The following TMEM259 variants were observed in gnomAD, a reference collection of about 807,000 sequenced individuals.
TMEM259 encodes transmembrane protein 259.
Under a neutral mutation model 46.7 loss-of-function variants are expected in TMEM259, and 26 were observed. The ratio of observed to expected loss-of-function variants is 0.56; its 90% CI spans 0.41 to 0.77. TMEM259 has a LOEUF of 0.77. TMEM259 is among the 30% of genes least tolerant of loss of function. The pLI is 0.00. For missense variants in TMEM259, 930 were observed against 900.5 expected (o/e 1.03, Z -0.42); for synonymous variants, 494 against 395.1 (o/e 1.25, Z -2.97).
intron 1 of TMEM259, among the ~76,000 whole-genome samples, chr19:1,015,216 C>T (rs557478065): frequency 1.3e-5 from 2 of 152,358 alleles, no homozygotes; most frequent in South Asian, 2.1e-4. Context: ...GCGAGGCTGC[C>T]GTGCCCGAGG....
chr19:1,009,678 T>C lies in TMEM259; in HGVS notation c.*672A>G, dbSNP rs1157151786. 10 of 1,179,402 alleles carry C rather than the reference T, an allele frequency of 8.5e-6. No homozygotes were observed. Among genetic ancestry groups the C allele is most frequent in the Admixed American group, 4.1e-5 (1 of 24,312 alleles). 73.1% of individuals were successfully genotyped at this position (1,179,402 alleles called of 1,614,324 possible). ...CGCTGTCAACAGACAGTTTATTCTA[T>C]ATACAAACACAATTTTGTACACTGC... is the stretch of plus-strand genomic sequence containing the variant. On this transcript the variant is annotated 3_prime_UTR_variant, in exon 11 of 11. Transcript: ENST00000356663.
At position 1,010,532 on chromosome 19, in the gene TMEM259, G is replaced by A. The variant is rs754750585; in HGVS notation, c.1681C>T (p.Leu561Phe). The A allele has an allele frequency of 1.3e-6, 2 of 1,548,132 alleles. No homozygotes were observed. Among genetic ancestry groups the A allele is most frequent in the African/African-American group, 1.4e-5 (1 of 73,094 alleles). ...GGGCTGGCTGGACGCCGCTCCAGGAGGGAGGCGCTCAGGCCGGACAGGAAG... is the reference window on the plus strand; with the variant it reads ...GGGCTGGCTGGACGCCGCTCCAGGAAGGAGGCGCTCAGGCCGGACAGGAAG... The part of the protein sequence containing the change: ...ASFLSGLSAS[L>F]LERRPASPLG... The change falls in exon 11 of 11, where the codon CTC becomes TTC. Residue 561 changes from leucine (L) to phenylalanine (F), a missense_variant. Leu to Phe is a conservative substitution (Grantham distance 22). Transcript: ENST00000356663.
Position 1,020,060 on chromosome 19 carries a change from C to A in TMEM259, c.225+712G>T, listed in dbSNP as rs963593521. Among the ~76,000 whole-genome samples, 1 of 152,090 alleles carries A rather than the reference C, an allele frequency of 6.6e-6. No individual in the cohort carries two copies. The highest frequency in any genetic ancestry group is 6.6e-5 in the Admixed American group (1 of 15,266). On this transcript the variant is annotated intron_variant, in intron 1 of 10. Coordinates refer to ENST00000356663, the MANE Select transcript of TMEM259 (RefSeq NM_001033026.2). This position sits in a 1 kb window ranked among gnomAD's most constrained non-coding sequence, Gnocchi z 4.0. ...AGGGGAGGCACGGGCGACAGACCCA[C>A]AACCTGAGCTCCTGAAGCAGGAAGG...
intron 3 of TMEM259, 66 bp downstream of exon 3, chr19:1,013,175 C>G: frequency 7.0e-7 from 1 of 1,424,350 alleles, no homozygotes; most frequent in Non-Finnish European, 9.9e-7. Context: ...GGGACCCCGC[C>G]TGCACCCCAG....
At chr19:1,014,124 C>T (rs1391774763) in intron 2 of TMEM259, 68 bp downstream of exon 2, 29 of 1,539,820 alleles carry the variant, frequency 1.9e-5, no homozygotes, top group South Asian at 6.1e-5. Context: ...TGTCAGGAAC[C>T]GCCCCTTCAG....
At chr19:1,011,245 C>CCCAG (rs1426675793) in intron 9 of TMEM259, 50 bp from the exon 10 acceptor site, 18 of 1,548,650 alleles carry the variant, frequency 1.2e-5, no homozygotes, top group Non-Finnish European at 1.6e-5. Flanking sequence ...CCCTGCCAGG[C>CCCAG]CCAGCCCCTG....
Position 1,020,260 on chromosome 19 carries a change from T to C in TMEM259, c.225+512A>G, listed in dbSNP as rs2039245086. On this transcript the variant is annotated intron_variant, in intron 1 of 10. Coordinates refer to ENST00000356663, the MANE Select transcript of TMEM259 (RefSeq NM_001033026.2). This position sits in a 1 kb window ranked among gnomAD's most constrained non-coding sequence, Gnocchi z 4.0. ...GGAGAGAGGGGAGTGGGGAGTCGAC[T>C]TCCAGGACAGGGGTTGGTCCGAGGG... Among the ~76,000 whole-genome samples the C allele has an allele frequency of 6.6e-6, 1 of 151,806 alleles. No individual in the cohort carries two copies. The highest frequency in any genetic ancestry group is 1.5e-5 in the Non-Finnish European group (1 of 67,932).
chr19:1,011,341 C>G (rs748849258), intron 9 of TMEM259, 26 bp downstream of exon 9: 7 of 1,559,502 alleles, frequency 4.5e-6, no homozygotes, highest in Non-Finnish European at 6.1e-6. Flanking sequence ...AGCACCCACT[C>G]CACCCTGCCC....
chr19:1,016,491 A>G (rs1599486205), intron 1 of TMEM259, among the ~76,000 whole-genome samples: 1 of 152,202 alleles, frequency 6.6e-6, no homozygotes, highest in African/African-American at 2.4e-5. Context: ...TTCCAGGCCC[A>G]CACATCCAGC....
chr19:1,011,380 G>A lies in TMEM259; in HGVS notation c.1204C>T (p.Arg402Trp), dbSNP rs370716407. The change falls in exon 9 of 11, where the codon CGG becomes TGG. Residue 402 changes from arginine (R) to tryptophan (W), a missense_variant. Physicochemically the swap from Arg to Trp is moderately radical, Grantham distance 101. Coordinates refer to ENST00000356663, the MANE Select transcript of TMEM259 (RefSeq NM_001033026.2). ...AICCHTSTSK[R>W]HWLRFFYLYH... The stretch of plus-strand genomic sequence containing the variant: ...CGCCACGCTCACCGCAGCCAATGCC[G>A]CTTGCTGGTGCTGGTGTGGCAGCAG... The A allele has an allele frequency of 3.2e-6, 5 of 1,570,876 alleles. No individual in the cohort carries two copies. Among genetic ancestry groups the A allele is most frequent in the East Asian group, 2.4e-5 (1 of 42,224 alleles).
intron 1 of TMEM259, among the ~76,000 whole-genome samples, chr19:1,016,648 A>G (rs1373648273): frequency 6.6e-6 from 1 of 152,208 alleles, no homozygotes; most frequent in Non-Finnish European, 1.5e-5. Context: ...AGGAACTGAC[A>G]CAGAGGTCCC....
At position 1,010,528 on chromosome 19, in the gene TMEM259, A is replaced by C. The variant is rs1376973414; in HGVS notation, c.1685T>G (p.Leu562Arg). 1 of 1,547,928 alleles carries C rather than the reference A, an allele frequency of 6.5e-7. No individual in the cohort carries two copies. The highest frequency in any genetic ancestry group is 2.0e-5 in the Admixed American group (1 of 50,994). Residue 562 changes from leucine to arginine, a missense_variant, in exon 11 of 11, where the codon CTG becomes CGG. Physicochemically the swap from Leu to Arg is moderately radical, Grantham distance 102 (BLOSUM62 -2). Transcript: ENST00000356663. ...SFLSGLSASL[L>R]ERRPASPLGP... Reference sequence around the variant, plus strand: ...CAGCGGGCTGGCTGGACGCCGCTCCAGGAGGGAGGCGCTCAGGCCGGACAG... The same window carrying C: ...CAGCGGGCTGGCTGGACGCCGCTCCCGGAGGGAGGCGCTCAGGCCGGACAG...
At position 1,013,265 on chromosome 19, in the gene TMEM259, G is replaced by T; in HGVS notation, c.583C>A (p.Pro195Thr). Residue 195 changes from proline (P) to threonine (T), a missense_variant, in exon 3 of 11, where the codon CCC (proline) becomes ACC (threonine). Pro to Thr is a conservative substitution (Grantham distance 38). Transcript: ENST00000356663. ...TEALNDSQEF[P>T]FPETPTKVWP... The stretch of plus-strand genomic sequence containing the variant: ...CCTTTGGTGGGCGTCTCGGGGAAGG[G>T]GAACTCCTGGCTGTCATTCAGGGCC... The T allele has an allele frequency of 6.2e-7, 1 of 1,613,832 alleles. No individual in the cohort carries two copies. Among genetic ancestry groups the T allele is most frequent in the South Asian group, 1.1e-5 (1 of 91,076 alleles).
At position 1,012,933 on chromosome 19, in the gene TMEM259, G is replaced by T. The variant is rs957567366; in HGVS notation, c.607+308C>A. Among the ~76,000 whole-genome samples the T allele has an allele frequency of 2.6e-5, 4 of 152,122 alleles. No homozygotes were observed. In the South Asian group the frequency reaches 8.3e-4, roughly 32 times the overall value. ...CTGCCAGATGGGCAGGGGTGGGGGCGGGGGCGGGGGCTTCCCTGAGCACAG... is the reference window on the plus strand; with the variant it reads ...CTGCCAGATGGGCAGGGGTGGGGGCTGGGGCGGGGGCTTCCCTGAGCACAG... On this transcript the variant is annotated intron_variant, in intron 3 of 10. Coordinates refer to ENST00000356663, the MANE Select transcript of TMEM259 (RefSeq NM_001033026.2).
chr19:1,013,256 C>T lies in TMEM259; in HGVS notation c.592G>A (p.Glu198Lys), dbSNP rs544321331. The T allele has an allele frequency of 8.0e-4, 1,293 of 1,613,732 alleles. 21 individuals carry two copies. The South Asian group carries it at 0.013, about 17-fold the overall frequency. Reference protein sequence around the residue: ...LNDSQEFPFPETPTKVWPQDE... With the variant: ...LNDSQEFPFPKTPTKVWPQDE... The stretch of plus-strand genomic sequence containing the variant: ...GGTGGCCTACCTTTGGTGGGCGTCT[C>T]GGGGAAGGGGAACTCCTGGCTGTCA... Residue 198 changes from glutamate to lysine, a missense_variant, in exon 3 of 11, where the codon GAG becomes AAG. By Grantham distance (56) the Glu-to-Lys change is moderately conservative. Coordinates refer to ENST00000356663, the MANE Select transcript of TMEM259 (RefSeq NM_001033026.2).
At chr19:1,012,662 G>A (rs2145577310) in intron 3 of TMEM259, 89 bp from the exon 4 acceptor site, 1 of 1,492,920 alleles carries the variant, frequency 6.7e-7, no homozygotes, top group South Asian at 1.3e-5. Flanking sequence ...GAGGGGTGGA[G>A]GGTGAGACCT....
Position 1,011,506 on chromosome 19 carries a change from G to C in TMEM259, c.1085-7C>G. On this transcript the variant is annotated splice_region_variant and splice_polypyrimidine_tract_variant and intron_variant, in intron 8 of 10. Coordinates refer to ENST00000356663, the MANE Select transcript of TMEM259 (RefSeq NM_001033026.2). Reference sequence around the variant, plus strand: ...GACATGATGGCCTCCATCCCTGCAGGGAGAGGCGGCGCCGGTTGAAGCGGG... The same window carrying C: ...GACATGATGGCCTCCATCCCTGCAGCGAGAGGCGGCGCCGGTTGAAGCGGG... 5.2e-6 allele frequency: 8 copies of C among 1,547,136 alleles called. No homozygotes were observed. The highest frequency in any genetic ancestry group is 1.2e-5 in the South Asian group (1 of 84,014).
At chr19:1,012,288 C>T (rs1383830787) in intron 4 of TMEM259, 100 bp from the exon 5 acceptor site, 2 of 1,513,458 alleles carry the variant, frequency 1.3e-6, no homozygotes, top group Admixed American at 2.1e-5. Flanking sequence ...TGCTTCCTGG[C>T]CCTGCCCATT....
rs1349925378 is a variant in TMEM259 at position 1,009,852 on chromosome 19, G to A, written c.*498C>T. On this transcript the variant is annotated 3_prime_UTR_variant, in exon 11 of 11. Coordinates refer to ENST00000356663, the MANE Select transcript of TMEM259 (RefSeq NM_001033026.2). ...GCCTGCACCCCACGTCCCTATGCCC[G>A]AGGCGCAAGCTCTGCTCTCCCGGGG... 1 of 410,784 alleles carries A rather than the reference G, an allele frequency of 2.4e-6. No individual in the cohort carries two copies. Among genetic ancestry groups the A allele is most frequent in the Non-Finnish European group, 4.3e-6 (1 of 232,834 alleles). The allele number at this position is 410,784 out of a possible 1,614,324, so 25.4% of individuals were successfully genotyped here.
Sources: allele counts gnomAD v4.1 joint callset (sites outside exome capture counted in the v4.1 genomes callset), GRCh38; gene constraint gnomAD v4.1.1; non-coding constraint Gnocchi (gnomAD v3.1); transcripts MANE v1.5; gene names NCBI Gene and HGNC (gene_info 2026-07-23, HGNC 2026-07-21).